The following AGBL4 variants were observed in gnomAD, a reference collection of about 807,000 sequenced individuals.
The protein encoded by AGBL4 is cytosolic carboxypeptidase 6.
Under a neutral mutation model 66.4 loss-of-function variants are expected in AGBL4, and 58 were observed. That is an observed-to-expected ratio of 0.87 (90% confidence interval 0.71 to 1.09). The LOEUF is 1.09. Ranked by LOEUF, AGBL4 falls within the 50% of genes least tolerant of loss-of-function variation. The pLI is 0.00. For synonymous variants in AGBL4, 234 were observed against 222.9 expected, an observed-to-expected ratio of 1.05 and a Z score of -0.44; for missense variants, 579 against 631.0, an observed-to-expected ratio of 0.92 and a Z score of 0.88.
chr1:49,732,514 T>A (rs72686738), intron 2 of AGBL4, among the ~76,000 whole-genome samples: 1 of 152,264 alleles, frequency 6.6e-6, no homozygotes, highest in Non-Finnish European at 1.5e-5. Context: ...GTAAGAAAAC[T>A]ATGTTTATGA....
At chr1:49,193,600 T>A (rs1364526229) in intron 4 of AGBL4, among the ~76,000 whole-genome samples, 1 of 151,934 alleles carries the variant, frequency 6.6e-6, no homozygotes, top group Non-Finnish European at 1.5e-5. Flanking sequence ...TTATCTCTGC[T>A]CACTGCAAGC....
intron 3 of AGBL4, among the ~76,000 whole-genome samples, chr1:49,434,665 GGTGGTGGTA>G (rs1489627713): frequency 3.3e-5 from 5 of 151,748 alleles, no homozygotes; most frequent in Non-Finnish European, 7.4e-5. Flanking sequence ...TTGTGGTGGT[GGTGGTGGTA>G]GTGGTGGTAG....
intron 5 of AGBL4, among the ~76,000 whole-genome samples, chr1:49,041,314 T>C (rs1465634992): frequency 2.6e-5 from 4 of 152,086 alleles, no homozygotes; most frequent in Non-Finnish European, 4.4e-5. Flanking sequence ...GAGAATCAAC[T>C]TGTCTGCAAA....
chr1:49,545,626 T>C (rs1652412037), intron 3 of AGBL4, among the ~76,000 whole-genome samples: 1 of 152,204 alleles, frequency 6.6e-6, no homozygotes, highest in African/African-American at 2.4e-5. Flanking sequence ...CAAAGACACA[T>C]ATATCTATGG....
intron 3 of AGBL4, among the ~76,000 whole-genome samples, chr1:49,552,265 C>A (rs898190623): frequency 9.2e-5 from 14 of 152,166 alleles, no homozygotes; most frequent in African/African-American, 3.1e-4. Flanking sequence ...GTTCTTCCCC[C>A]GCCTGTGGAG....
At chr1:49,164,552 T>C (rs570614252) in intron 4 of AGBL4, among the ~76,000 whole-genome samples, 4 of 152,236 alleles carry the variant, frequency 2.6e-5, no homozygotes, top group African/African-American at 7.2e-5. Flanking sequence ...TCCCAAAGGT[T>C]CAGAGCTCTA....
chr1:48,862,869 C>T (rs1208738033), intron 6 of AGBL4, among the ~76,000 whole-genome samples: 1 of 152,102 alleles, frequency 6.6e-6, no homozygotes, highest in Admixed American at 6.6e-5. Context: ...CAAATTTATA[C>T]CCAGCCAAGT....
At chr1:48,824,064 T>A (rs1646373734) in intron 6 of AGBL4, among the ~76,000 whole-genome samples, 1 of 152,152 alleles carries the variant, frequency 6.6e-6, no homozygotes, top group Non-Finnish European at 1.5e-5. Context: ...CCAAGAGCCA[T>A]GTGTTTCTTT....
chr1:49,732,607 T>C (rs902070781), intron 2 of AGBL4, among the ~76,000 whole-genome samples: 1 of 152,158 alleles, frequency 6.6e-6, no homozygotes, highest in African/African-American at 2.4e-5. Flanking sequence ...ATGGAAATTC[T>C]AGTGTGGAAG....
chr1:49,348,640 T>C (rs1432553835), intron 3 of AGBL4, among the ~76,000 whole-genome samples: 2 of 152,188 alleles, frequency 1.3e-5, no homozygotes, highest in Non-Finnish European at 2.9e-5. Flanking sequence ...GACCGTGCTT[T>C]TGGCCCAATT....
chr1:48,761,105 G>C (rs1012117613), intron 6 of AGBL4: 1 of 493,022 alleles, frequency 2.0e-6, no homozygotes. Flanking sequence ...TGCACAGACT[G>C]TGCAAACAGG....
At chr1:49,899,937 G>C (rs1649604939) in intron 1 of AGBL4, among the ~76,000 whole-genome samples, 2 of 152,080 alleles carry the variant, frequency 1.3e-5, no homozygotes, top group African/African-American at 4.8e-5. Flanking sequence ...AGCTACAGGG[G>C]AGGCTGAGGC....
chr1:48,629,428 G>A (rs1312449644), intron 9 of AGBL4, among the ~76,000 whole-genome samples: 2 of 152,256 alleles, frequency 1.3e-5, no homozygotes, highest in African/African-American at 4.8e-5. Flanking sequence ...ATCAGAATTG[G>A]AAAGAGAGAC....
At chr1:48,535,677 A>T (rs1345141144) in intron 12 of AGBL4, among the ~76,000 whole-genome samples, 2 of 152,080 alleles carry the variant, frequency 1.3e-5, no homozygotes, top group East Asian at 3.9e-4. Flanking sequence ...AATACCCTTT[A>T]TCCCCTTTCT....
intron 1 of AGBL4, among the ~76,000 whole-genome samples, chr1:49,859,234 C>T (rs1374444257): frequency 2.0e-5 from 3 of 152,098 alleles, no homozygotes; most frequent in Admixed American, 2.0e-4. Context: ...ATGTTAACTC[C>T]TAATTTTGTG....
At chr1:49,208,874 G>A (rs1648453867) in intron 4 of AGBL4, among the ~76,000 whole-genome samples, 1 of 152,008 alleles carries the variant, frequency 6.6e-6, no homozygotes, top group South Asian at 2.1e-4. Flanking sequence ...CATGCATGTA[G>A]GCATGCATAT....
intron 6 of AGBL4, among the ~76,000 whole-genome samples, chr1:48,719,857 G>T (rs555309369): frequency 8.5e-5 from 13 of 152,282 alleles, no homozygotes; most frequent in Non-Finnish European, 2.9e-5. Context: ...CTGGTAAGCG[G>T]TGAAGCCCAT....
At chr1:49,553,739 G>T (rs563169697) in intron 3 of AGBL4, among the ~76,000 whole-genome samples, 1 of 152,138 alleles carries the variant, frequency 6.6e-6, no homozygotes, top group African/African-American at 2.4e-5. Flanking sequence ...TTTTCAATTT[G>T]GGAAAAAATT....
chr1:49,980,126 C>T (rs1658938431), intron 1 of AGBL4, among the ~76,000 whole-genome samples: 1 of 152,048 alleles, frequency 6.6e-6, no homozygotes, highest in African/African-American at 2.4e-5. Flanking sequence ...CAACAGTAGG[C>T]TATGAGTAAA....
Sources: gnomAD v4.1 joint callset for allele counts (sites outside exome capture counted in the v4.1 genomes callset) on GRCh38, gnomAD v4.1.1 for gene constraint, MANE v1.5 for transcripts, NCBI Gene and HGNC (gene_info 2026-07-23, HGNC 2026-07-21) for gene names.